TMEM232: variants seen among roughly 807,000 people sequenced by gnomAD.
TMEM232 encodes transmembrane protein 232.
A neutral mutation model predicts 78.8 loss-of-function variants in TMEM232; 80 were observed. That is an observed-to-expected ratio of 1.01 (90% CI 0.85 to 1.22). The LOEUF is 1.22. TMEM232 is among the 50% of genes most tolerant of loss of function. The pLI is 0.00. For synonymous variants in TMEM232, 297 were observed against 254.3 expected (o/e 1.17, Z -1.60); for missense variants, 881 against 742.2 (o/e 1.19, Z -2.17).
intron 1 of TMEM232, among the ~76,000 whole-genome samples, chr5:110,668,130 C>T (rs1169282080): frequency 2.6e-5 from 4 of 151,986 alleles, no homozygotes; most frequent in Non-Finnish European, 5.9e-5. Context: ...GCAGGAAATG[C>T]AGGGCACACT....
intron 8 of TMEM232, chr5:110,610,407 T>A: frequency 4.8e-6 from 1 of 209,766 alleles, no homozygotes; most frequent in Middle Eastern, 7.3e-4. Flanking sequence ...TTTCCCACCA[T>A]AATGTAAAAA....
rs560893981 is a variant in TMEM232 at position 110,580,941 on chromosome 5, G to T, written c.1277-12316C>A. ...AGCCACAAAGAAATACAATACCTAG[G>T]AATAGATCTAACCAAGGAGGTGGTT... On this transcript the variant is annotated intron_variant, in intron 10 of 13. Transcript: ENST00000455884. Among the ~76,000 whole-genome samples the T allele has an allele frequency of 2.0e-5, 3 of 151,728 alleles. No homozygotes were observed. In the East Asian group the frequency reaches 5.8e-4, roughly 29 times the overall value.
chr5:110,506,248 T>G (rs928326135), intron 12 of TMEM232, among the ~76,000 whole-genome samples: 4 of 152,228 alleles, frequency 2.6e-5, no homozygotes, highest in African/African-American at 9.6e-5. Context: ...TTGTTGGCTT[T>G]GTGTGTTTTG....
chr5:110,625,902 C>A (rs78315947), intron 6 of TMEM232, among the ~76,000 whole-genome samples: 1 of 151,488 alleles, frequency 6.6e-6, no homozygotes, highest in African/African-American at 2.4e-5. Flanking sequence ...TTATTATTTA[C>A]AACAATAAGA....
Position 110,568,612 on chromosome 5 carries a change from G to C in TMEM232, c.1290C>G (p.Val430=). 2 of 1,538,872 alleles carry C rather than the reference G, an allele frequency of 1.3e-6. No homozygotes were observed. Among genetic ancestry groups the C allele is most frequent in the East Asian group, 4.9e-5 (2 of 40,468 alleles). Residue 430 remains valine (V), a synonymous_variant, in exon 11 of 14, where the codon GTC becomes GTG. Coordinates refer to ENST00000455884, the MANE Select transcript of TMEM232 (RefSeq NM_001039763.4). ...SKMSENCDQV[V]WTGYYGLVYN... ...ACACTAAGCCATAGTAACCAGTCCA[G>C]ACTACTTGATCACCTGTTTAAAAAG...
intron 1 of TMEM232, among the ~76,000 whole-genome samples, chr5:110,668,335 A>G (rs1790879164): frequency 6.6e-6 from 1 of 152,154 alleles, no homozygotes; most frequent in Non-Finnish European, 1.5e-5. Flanking sequence ...TTTAAGTGAG[A>G]AATGCAGCTA....
chr5:110,465,078 G>A (rs1761931700), intron 12 of TMEM232, among the ~76,000 whole-genome samples: 1 of 152,222 alleles, frequency 6.6e-6, no homozygotes, highest in Admixed American at 6.5e-5. Flanking sequence ...ACAAAGGATA[G>A]CACTACCAAA....
At chr5:110,695,304 T>C (rs1329230091) in intron 1 of TMEM232, among the ~76,000 whole-genome samples, 20 of 152,062 alleles carry the variant, frequency 1.3e-4, no homozygotes, top group African/African-American at 3.6e-4. Context: ...TTCAAAGCAG[T>C]GTGTAGAGGG....
chr5:110,401,677 C>T (rs1755603768), intron 2 of TMEM232, among the ~76,000 whole-genome samples: 1 of 152,090 alleles, frequency 6.6e-6, no homozygotes, highest in African/African-American at 2.4e-5. Context: ...CACAGCCCAG[C>T]TTCTCATGTA....
intron 3 of TMEM232, among the ~76,000 whole-genome samples, chr5:110,641,916 C>T (rs1786779226): frequency 6.6e-6 from 1 of 152,042 alleles, no homozygotes; most frequent in African/African-American, 2.4e-5. Flanking sequence ...GTACTTTGTG[C>T]ATGTATATAA....
At chr5:110,500,808 A>G (rs1433036104) in intron 12 of TMEM232, among the ~76,000 whole-genome samples, 2 of 152,234 alleles carry the variant, frequency 1.3e-5, no homozygotes, top group African/African-American at 4.8e-5. Context: ...CAGACTTGTT[A>G]CATCATCATG....
At chr5:110,562,968 A>C (rs1775922455) in intron 11 of TMEM232, among the ~76,000 whole-genome samples, 1 of 152,068 alleles carries the variant, frequency 6.6e-6, no homozygotes, top group Admixed American at 6.6e-5. Context: ...ATAGATATAG[A>C]GTTAACTGTG....
At chr5:110,537,111 C>T (rs1772467109) in intron 11 of TMEM232, among the ~76,000 whole-genome samples, 1 of 151,984 alleles carries the variant, frequency 6.6e-6, no homozygotes, top group South Asian at 2.1e-4. Flanking sequence ...ATAAACCTTC[C>T]ACTATTCAAA....
At chr5:110,510,624 G>C (rs1169611426) in intron 12 of TMEM232, among the ~76,000 whole-genome samples, 1 of 152,010 alleles carries the variant, frequency 6.6e-6, no homozygotes, top group African/African-American at 2.4e-5. Flanking sequence ...CCTATCAAAA[G>C]GTGGGAAAAG....
intron 12 of TMEM232, among the ~76,000 whole-genome samples, chr5:110,441,871 A>G (rs1481979027): frequency 6.6e-6 from 1 of 151,966 alleles, no homozygotes; most frequent in Admixed American, 6.6e-5. Flanking sequence ...GGATATTTTC[A>G]CTAGATATAC....
upstream of TMEM232, among the ~76,000 whole-genome samples, chr5:110,730,689 T>C (rs1262653170): frequency 6.6e-6 from 1 of 152,166 alleles, no homozygotes; most frequent in Admixed American, 6.5e-5. Flanking sequence ...GTGAGACTTA[T>C]TCACCATCAC....
chr5:110,726,232 T>C (rs1473001618), intron 1 of TMEM232, among the ~76,000 whole-genome samples: 1 of 152,028 alleles, frequency 6.6e-6, no homozygotes, highest in African/African-American at 2.4e-5. Flanking sequence ...AGGTGCAATT[T>C]CACCAACCAC....
At chr5:110,446,500 A>G (rs967591849) in intron 12 of TMEM232, among the ~76,000 whole-genome samples, 4 of 152,162 alleles carry the variant, frequency 2.6e-5, no homozygotes, top group African/African-American at 9.6e-5. Flanking sequence ...CATAGCAACT[A>G]TACAGATTTG....
At chr5:110,573,341 T>C (rs1348243889) in intron 10 of TMEM232, among the ~76,000 whole-genome samples, 1 of 151,988 alleles carries the variant, frequency 6.6e-6, no homozygotes, top group Non-Finnish European at 1.5e-5. Context: ...CACTACAAAA[T>C]CAAATGTGCC....
Sources: allele counts gnomAD v4.1 joint callset (sites outside exome capture counted in the v4.1 genomes callset), GRCh38; gene constraint gnomAD v4.1.1; transcripts MANE v1.5; gene names NCBI Gene and HGNC (gene_info 2026-07-23, HGNC 2026-07-21).